CDH19: variants seen among roughly 807,000 people sequenced by gnomAD.
The protein encoded by CDH19 is cadherin 19, also known as cadherin-19.
CDH19 carries 67 observed loss-of-function variants against 64.2 expected under a neutral mutation model. The ratio of observed to expected loss-of-function variants is 1.04; its 90% CI spans 0.86 to 1.28. The LOEUF (loss-of-function observed/expected upper bound fraction) is 1.28, where lower values mean the gene tolerates loss of function less well. Among genes scored for constraint, CDH19 ranks in the 50% most tolerant of loss-of-function variants. CDH19 has a pLI of 0.00. For synonymous variants in CDH19, 346 were observed against 319.3 expected, an observed-to-expected ratio of 1.08 and a Z score of -0.89; for missense variants, 1,030 against 929.0, an observed-to-expected ratio of 1.11 and a Z score of -1.41.
intron 10 of CDH19, among the ~76,000 whole-genome samples, chr18:66,509,644 T>C (rs899431378): frequency 6.6e-6 from 1 of 151,764 alleles, no homozygotes; most frequent in Admixed American, 6.6e-5. Context: ...ATCAATAATT[T>C]ATAGGGACTA....
intron 1 of CDH19, among the ~76,000 whole-genome samples, chr18:66,581,337 T>C (rs1816455988): frequency 6.6e-6 from 1 of 152,062 alleles, no homozygotes; most frequent in Admixed American, 6.6e-5. Flanking sequence ...CAAGTAAAAT[T>C]GCGAGTATGT....
intron 7 of CDH19, among the ~76,000 whole-genome samples, chr18:66,540,976 A>G (rs1366557328): frequency 1.3e-5 from 2 of 152,182 alleles, no homozygotes; most frequent in Non-Finnish European, 2.9e-5. Context: ...AAGGCTCCTT[A>G]AAACAATTCT....
At chr18:66,522,864 T>C (rs975453840) in intron 9 of CDH19, among the ~76,000 whole-genome samples, 2 of 151,786 alleles carry the variant, frequency 1.3e-5, no homozygotes, top group East Asian at 1.9e-4. Flanking sequence ...AGATTGTCTG[T>C]AGCAATTTGA....
intron 9 of CDH19, among the ~76,000 whole-genome samples, chr18:66,520,222 C>T (rs538914945): frequency 2.0e-5 from 3 of 151,706 alleles, no homozygotes; most frequent in South Asian, 2.1e-4. Flanking sequence ...AAGTGAGAAA[C>T]GTGATAGACA....
intron 9 of CDH19, among the ~76,000 whole-genome samples, chr18:66,528,013 A>C (rs150974874): frequency 1.0e-3 from 152 of 151,656 alleles, no homozygotes; most frequent in African/African-American, 3.3e-3. Context: ...ATTTATAATA[A>C]TTCTAGAAAT....
At chr18:66,586,865 C>T (rs1988594399) in intron 1 of CDH19, among the ~76,000 whole-genome samples, 2 of 151,950 alleles carry the variant, frequency 1.3e-5, no homozygotes, top group South Asian at 2.1e-4. Flanking sequence ...TTTTGGAATG[C>T]GTATTACCTA....
Position 66,504,772 on chromosome 18 carries a change from T to TAC in CDH19, c.*38_*39dup. The TAC allele has an allele frequency of 6.5e-7, 1 of 1,550,366 alleles. No individual in the cohort carries two copies. The highest frequency in any genetic ancestry group is 8.7e-7 in the Non-Finnish European group (1 of 1,145,108). On this transcript the variant is annotated 3_prime_UTR_variant, in exon 12 of 12. Coordinates refer to ENST00000262150, the MANE Select transcript of CDH19 (RefSeq NM_021153.4). The stretch of plus-strand genomic sequence containing the variant: ...CTTTAAGACTACCATTGGGTTCGAA[T>TAC]ACACATTAGCACTTTTAAAAATTTT...
rs1989098859 is a variant in CDH19 at position 66,603,956 on chromosome 18, T to G, written c.-115A>C. ...ATGCCTGATTATCACAGTCTTACCT[T>G]TGTAACTTCAACTTCTAGAAGTTCT... On this transcript the variant is annotated splice_region_variant and 5_prime_UTR_variant, in exon 1 of 12. Coordinates refer to ENST00000262150, the MANE Select transcript of CDH19 (RefSeq NM_021153.4). 1 of 152,166 alleles carries G rather than the reference T, an allele frequency of 6.6e-6. No individual in the cohort carries two copies. The highest frequency in any genetic ancestry group is 1.5e-5 in the Non-Finnish European group (1 of 68,022). The allele number at this position is 152,166 out of a possible 1,614,324, so 9.4% of individuals were successfully genotyped here. A position where few individuals can be genotyped will look rare whatever the true frequency, so the allele number is the denominator to read the frequency against.
intron 9 of CDH19, among the ~76,000 whole-genome samples, chr18:66,520,969 G>C (rs1405475949): frequency 1.3e-5 from 2 of 151,778 alleles, no homozygotes; most frequent in Non-Finnish European, 2.9e-5. Context: ...TAGTTTTAAG[G>C]TGCTTTATTA....
chr18:66,531,669 C>T (rs891574322), intron 8 of CDH19, among the ~76,000 whole-genome samples: 1 of 152,000 alleles, frequency 6.6e-6, no homozygotes, highest in Non-Finnish European at 1.5e-5. Flanking sequence ...AACTGGATGA[C>T]TTGAGTTTGA....
At chr18:66,533,427 A>G (rs995382410) in intron 8 of CDH19, among the ~76,000 whole-genome samples, 2 of 152,092 alleles carry the variant, frequency 1.3e-5, no homozygotes, top group African/African-American at 4.8e-5. Flanking sequence ...CAGCGCATAC[A>G]TCATCACAGA....
intron 1 of CDH19, among the ~76,000 whole-genome samples, chr18:66,589,994 T>C (rs1056556568): frequency 6.6e-6 from 1 of 151,910 alleles, no homozygotes; most frequent in African/African-American, 2.4e-5. Context: ...GACCTCATTA[T>C]ATTTAGTTTA....
intron 1 of CDH19, among the ~76,000 whole-genome samples, chr18:66,602,408 C>T (rs1378050753): frequency 6.6e-6 from 1 of 151,894 alleles, no homozygotes; most frequent in African/African-American, 2.4e-5. Context: ...TAGGAGGCAT[C>T]TGTGCACATC....
chr18:66,549,178 AT>A (rs1375677727), intron 5 of CDH19, among the ~76,000 whole-genome samples: 3 of 152,148 alleles, frequency 2.0e-5, no homozygotes, highest in Non-Finnish European at 4.4e-5. Context: ...AATAAAGATA[AT>A]TTTAAAAGAT....
At chr18:66,578,770 T>G (rs928193216) in intron 1 of CDH19, among the ~76,000 whole-genome samples, 1 of 151,892 alleles carries the variant, frequency 6.6e-6, no homozygotes, top group Non-Finnish European at 1.5e-5. Context: ...AACAAGTCAA[T>G]GTACTAAGAA....
intron 1 of CDH19, among the ~76,000 whole-genome samples, chr18:66,591,982 T>C (rs1988760496): frequency 6.6e-6 from 1 of 151,916 alleles, no homozygotes; most frequent in African/African-American, 2.4e-5. Flanking sequence ...TCTTACTTTC[T>C]ATTCACTCTT....
At chr18:66,539,748 T>C (rs1177759430) in intron 7 of CDH19, among the ~76,000 whole-genome samples, 2 of 152,042 alleles carry the variant, frequency 1.3e-5, no homozygotes, top group Non-Finnish European at 2.9e-5. Context: ...TGGTAGGATA[T>C]ATCAGTGGCA....
At chr18:66,544,592 C>T (rs1373984340) in intron 6 of CDH19, 127 bp downstream of exon 6, 6 of 624,600 alleles carry the variant, frequency 9.6e-6, no homozygotes, top group Non-Finnish European at 1.3e-5. Context: ...ATCCTTGTCT[C>T]CATAAAACAT....
rs949955031 is a variant in CDH19 at position 66,544,177 on chromosome 18, A to C, written c.1008T>G (p.Val336=). 5.6e-6 allele frequency: 9 copies of C among 1,613,858 alleles called. No homozygotes were observed. The African/African-American group carries it at 8.0e-5, about 14-fold the overall frequency. ...HQNHYGIRAK[V]KNHHVPEQLM... Reference sequence around the variant, plus strand: ...GCTGCTCAGGAACATGATGGTTTTTAACTTTTGCTCTAATACCGTAGTGGT... The same window carrying C: ...GCTGCTCAGGAACATGATGGTTTTTCACTTTTGCTCTAATACCGTAGTGGT... The change falls in exon 7 of 12, where the codon GTT becomes GTG. Residue 336 remains valine (V), a synonymous_variant. Coordinates refer to ENST00000262150, the MANE Select transcript of CDH19 (RefSeq NM_021153.4).
Sources: gnomAD v4.1 joint callset for allele counts (sites outside exome capture counted in the v4.1 genomes callset) on GRCh38, gnomAD v4.1.1 for gene constraint, MANE v1.5 for transcripts, NCBI Gene and HGNC (gene_info 2026-07-23, HGNC 2026-07-21) for gene names.